Variants in SCFD1 observed in about 807,000 individuals in gnomAD.
The protein encoded by SCFD1 is sec1 family domain-containing protein 1.
In SCFD1, 37 loss-of-function variants were observed where a neutral mutation model predicts 103.2. The ratio of observed to expected loss-of-function variants is 0.36; its 90% confidence interval spans 0.28 to 0.47. SCFD1 has a LOEUF of 0.47. Ranked by LOEUF, SCFD1 falls within the 20% of genes least tolerant of loss-of-function variation. The pLI is 1.00. For synonymous variants in SCFD1, 264 were observed against 245.0 expected (o/e 1.08, Z -0.73); for missense variants, 639 against 761.2 (o/e 0.84, Z 1.89).
chr14:30,707,938 T>C, intron 18 of SCFD1, 52 bp from the exon 19 acceptor site: 1 of 1,185,908 alleles, frequency 8.4e-7, no homozygotes, highest in Non-Finnish European at 1.3e-6. Flanking sequence ...CGATAACAGA[T>C]TGGAGAGGCA....
At chr14:30,706,016 G>T in intron 18 of SCFD1, 131 bp downstream of exon 18, 1 of 626,144 alleles carries the variant, frequency 1.6e-6, no homozygotes, top group Non-Finnish European at 2.7e-6. Flanking sequence ...CATTTAGATG[G>T]CTGAAGTTCT....
chr14:30,721,598 C>G (rs1161649252), intron 21 of SCFD1: 1 of 353,680 alleles, frequency 2.8e-6, no homozygotes, highest in East Asian at 5.9e-5. Flanking sequence ...TTACGCTCCT[C>G]CTCGTGGGAG....
At chr14:30,702,576 G>C (rs531010513) in intron 17 of SCFD1, among the ~76,000 whole-genome samples, 1 of 152,170 alleles carries the variant, frequency 6.6e-6, no homozygotes, top group South Asian at 2.1e-4. Context: ...TTTCTTTCCT[G>C]GGCAAGCTTT....
At position 30,684,638 on chromosome 14, in the gene SCFD1, G is replaced by C. The variant is rs1232303927; in HGVS notation, c.1242+9573G>C. Among the ~76,000 whole-genome samples the C allele has an allele frequency of 2.6e-5, 4 of 151,168 alleles. No individual in the cohort carries two copies. The East Asian group carries it at 7.7e-4, about 29-fold the overall frequency. On this transcript the variant is annotated intron_variant, in intron 14 of 24. Coordinates refer to ENST00000458591, the MANE Select transcript of SCFD1 (RefSeq NM_016106.4). ...TAAAAGGATTTTTGAGAAATGCATG[G>C]CTCTCAGAGTTTATGTTCATTATAT...
intron 1 of SCFD1, among the ~76,000 whole-genome samples, chr14:30,622,823 C>CT (rs1882990809): frequency 6.6e-6 from 1 of 152,206 alleles, no homozygotes; most frequent in South Asian, 2.1e-4. Context: ...CAGCGGCTTG[C>CT]TTTGCGCCAC....
intron 1 of SCFD1, among the ~76,000 whole-genome samples, chr14:30,622,634 C>T (rs1882968676): frequency 6.6e-6 from 1 of 152,154 alleles, no homozygotes; most frequent in Non-Finnish European, 1.5e-5. Context: ...CGGCCCTGCT[C>T]TTGTCTCCTT....
chr14:30,647,887 G>A lies in SCFD1; in HGVS notation c.614-1641G>A, dbSNP rs562820880. Among the ~76,000 whole-genome samples the A allele has an allele frequency of 3.6e-3, 553 of 152,212 alleles. 6 individuals are homozygous for A. Among genetic ancestry groups the A allele is most frequent in the African/African-American group, 0.013 (526 of 41,536 alleles). On this transcript the variant is annotated intron_variant, in intron 7 of 24. Transcript: ENST00000458591. ...GCTGGTCTCGAACTCCTGACCTCAG[G>A]TGATCCGCCCGCCTCAGCCTCCCAA...
chr14:30,702,238 A>G, intron 16 of SCFD1, 58 bp from the exon 17 acceptor site: 1 of 1,146,236 alleles, frequency 8.7e-7, no homozygotes, highest in Non-Finnish European at 1.3e-6. Context: ...AAATGGCAAC[A>G]AATAACATCT....
At chr14:30,708,137 A>C in intron 19 of SCFD1, 72 bp downstream of exon 19, 1 of 923,870 alleles carries the variant, frequency 1.1e-6, no homozygotes, top group Middle Eastern at 2.2e-4. Flanking sequence ...TGCTCAGGTA[A>C]AGCAACTCCT....
intron 3 of SCFD1, among the ~76,000 whole-genome samples, chr14:30,633,538 G>T (rs147541321): frequency 6.6e-6 from 1 of 150,836 alleles, no homozygotes; most frequent in Non-Finnish European, 1.5e-5. Flanking sequence ...TTTTCATTGC[G>T]TCCCCTAGCT....
chr14:30,658,020 G>A, intron 10 of SCFD1: 1 of 450,144 alleles, frequency 2.2e-6, no homozygotes, highest in Non-Finnish European at 4.5e-6. Flanking sequence ...CTTTTATTGG[G>A]ATATAAGAAG....
chr14:30,683,217 G>C, intron 14 of SCFD1: 1 of 1,139,970 alleles, frequency 8.8e-7, no homozygotes, highest in East Asian at 2.5e-5. Flanking sequence ...GAATGGTCCT[G>C]ATGTCATACA....
At chr14:30,719,143 G>A (rs1276894383) in intron 20 of SCFD1, among the ~76,000 whole-genome samples, 182 bp from the exon 21 acceptor site, 1 of 152,150 alleles carries the variant, frequency 6.6e-6, no homozygotes, top group South Asian at 2.1e-4. Flanking sequence ...TTAGGATTGA[G>A]TAATTTCATC....
At chr14:30,716,936 A>G (rs1566657948) in intron 20 of SCFD1, among the ~76,000 whole-genome samples, 1 of 152,242 alleles carries the variant, frequency 6.6e-6, no homozygotes, top group East Asian at 1.9e-4. Context: ...CTGGGAATCA[A>G]TACAGATAAA....
chr14:30,702,198 C>T (rs1462808869), intron 16 of SCFD1, 98 bp from the exon 17 acceptor site: 1 of 743,546 alleles, frequency 1.3e-6, no homozygotes, highest in Non-Finnish European at 2.2e-6. Flanking sequence ...AATTTAAACT[C>T]ATGCCTTTGG....
At chr14:30,645,553 G>A (rs1885732631) in intron 7 of SCFD1, among the ~76,000 whole-genome samples, 1 of 152,078 alleles carries the variant, frequency 6.6e-6, no homozygotes, top group Admixed American at 6.6e-5. Flanking sequence ...TCCCTAATTA[G>A]CTGTATTCCT....
chr14:30,697,792 G>C (rs1566640214), intron 15 of SCFD1, among the ~76,000 whole-genome samples: 1 of 152,170 alleles, frequency 6.6e-6, no homozygotes, highest in Non-Finnish European at 1.5e-5. Context: ...GTCTTAAAAA[G>C]TAACCAAGGC....
At chr14:30,673,639 T>C (rs1888753571) in intron 12 of SCFD1, among the ~76,000 whole-genome samples, 1 of 152,208 alleles carries the variant, frequency 6.6e-6, no homozygotes, top group Admixed American at 6.5e-5. Context: ...TACTGTTTAT[T>C]GCTGTGTGAC....
At position 30,735,754 on chromosome 14, in the gene SCFD1, A is replaced by G; in HGVS notation, c.*145A>G. 2 of 560,118 alleles carry G rather than the reference A, an allele frequency of 3.6e-6. No individual in the cohort carries two copies. Among genetic ancestry groups the G allele is most frequent in the Non-Finnish European group, 6.3e-6 (2 of 317,032 alleles). The allele number at this position is 560,118 out of a possible 1,614,324, so 34.7% of individuals were successfully genotyped here. ...TTATTTGTTAATTTTTAAGGAAATT[A>G]TATACTTAATATGTATTGATTAAAA... is the stretch of plus-strand genomic sequence containing the variant. On this transcript the variant is annotated 3_prime_UTR_variant, in exon 25 of 25. Coordinates refer to ENST00000458591, the MANE Select transcript of SCFD1 (RefSeq NM_016106.4).
Sources: allele counts gnomAD v4.1 joint callset (sites outside exome capture counted in the v4.1 genomes callset), GRCh38; gene constraint gnomAD v4.1.1; transcripts MANE v1.5; gene names NCBI Gene and HGNC (gene_info 2026-07-23, HGNC 2026-07-21).